The following SMAP2 variants were observed in gnomAD, a reference collection of about 807,000 sequenced individuals.
The protein encoded by SMAP2 is small ArfGAP2.
SMAP2 carries 25 observed loss-of-function variants against 56.4 expected under a neutral mutation model. The observed-to-expected ratio is 0.44, with a 90% CI of 0.32 to 0.62. The LOEUF is 0.62. Ranked by LOEUF, SMAP2 falls within the 20% of genes least tolerant of loss-of-function variation. SMAP2 has a pLI of 0.04. For synonymous variants in SMAP2, 157 were observed against 181.7 expected (o/e 0.86, Z 1.09); for missense variants, 388 against 545.6 (o/e 0.71, Z 2.88).
At position 40,374,671 on chromosome 1, in the gene SMAP2, G is replaced by A. The variant is rs1644525949; in HGVS notation, c.103+448G>A. On this transcript the variant is annotated intron_variant, in intron 1 of 9. Coordinates refer to ENST00000372718, the MANE Select transcript of SMAP2 (RefSeq NM_022733.3). The surrounding 1 kb of genome is among the most constrained non-coding windows in gnomAD (Gnocchi z 5.9). ...ACGAGGAGGAGGAGGAGGGAAGTGA[G>A]ATGGCGGAAAGGAAAACTGCTTAAA... 4.5e-6 allele frequency: 7 copies of A among 1,550,264 alleles called. No homozygotes were observed. The highest frequency in any genetic ancestry group is 6.1e-6 in the Non-Finnish European group (7 of 1,146,892).
chr1:40,361,811 A>G (rs568573608), intron 1 of SMAP2, among the ~76,000 whole-genome samples: 2 of 152,266 alleles, frequency 1.3e-5, no homozygotes, highest in Admixed American at 6.5e-5. Flanking sequence ...CTCAGCTGCT[A>G]TAGAATAGAG....
At chr1:40,363,969 T>C (rs2124180835) in intron 2 of SMAP2, among the ~76,000 whole-genome samples, 1 of 152,334 alleles carries the variant, frequency 6.6e-6, no homozygotes, top group East Asian at 1.9e-4. Context: ...CATTTGCATG[T>C]GACAAATAAC....
In SMAP2 at chr1:40,357,242, G is replaced by T. The variant is rs138669437; in HGVS notation, c.-82-5058G>T. Among the ~76,000 whole-genome samples the T allele has an allele frequency of 7.9e-5, 12 of 152,104 alleles. No homozygotes were observed. The East Asian group carries it at 2.3e-3, about 29-fold the overall frequency. On this transcript the variant is annotated intron_variant, in intron 1 of 6. Coordinates refer to the SMAP2 transcript ENST00000435168. ...CTTGAGAAATTTTGGATCACCTGAGGTCAGGAGTTCGAGACCAGCCTGGAC... is the reference window on the plus strand; with the variant it reads ...CTTGAGAAATTTTGGATCACCTGAGTTCAGGAGTTCGAGACCAGCCTGGAC...
intron 2 of SMAP2, among the ~76,000 whole-genome samples, chr1:40,366,361 G>C (rs1292956738): frequency 7.7e-6 from 1 of 129,794 alleles, no homozygotes; most frequent in African/African-American, 3.0e-5. Flanking sequence ...ACGCCACAAA[G>C]ATACTCCTCG....
chr1:40,404,116 A>G (rs1344376842), intron 1 of SMAP2, among the ~76,000 whole-genome samples: 1 of 152,182 alleles, frequency 6.6e-6, no homozygotes, highest in African/African-American at 2.4e-5. Context: ...ATAAAATGAA[A>G]TAAAAGTAAC....
intron 1 of SMAP2, among the ~76,000 whole-genome samples, chr1:40,347,022 C>CTATT (rs66542909): frequency 0.03 from 4,245 of 143,388 alleles, 122 homozygotes; most frequent in African/African-American, 0.072. Context: ...GCTTAAAAAT[C>CTATT]TATTTATTTA....
intron 1 of SMAP2, among the ~76,000 whole-genome samples, chr1:40,393,923 A>G (rs1644743625): frequency 6.6e-6 from 1 of 152,112 alleles, no homozygotes; most frequent in South Asian, 2.1e-4. Flanking sequence ...AATAATCTAA[A>G]TGGTCTCCAT....
intron 1 of SMAP2, chr1:40,393,238 ATTGC>A: frequency 7.7e-7 from 1 of 1,298,396 alleles, no homozygotes; most frequent in South Asian, 1.6e-5. Context: ...AGGTGGGAGG[ATTGC>A]TTGAGCATAG....
intron 2 of SMAP2, 139 bp downstream of exon 2, chr1:40,407,008 C>T: frequency 1.2e-6 from 1 of 836,768 alleles, no homozygotes. Context: ...GATTCTTGTA[C>T]CCTAACAGAA....
intron 2 of SMAP2, among the ~76,000 whole-genome samples, chr1:40,407,618 A>G (rs1336332411): frequency 6.6e-6 from 1 of 152,228 alleles, no homozygotes; most frequent in Admixed American, 6.5e-5. Flanking sequence ...TTAATGGTAC[A>G]TAATATTAAA....
At chr1:40,399,798 G>T (rs1263426978) in intron 1 of SMAP2, among the ~76,000 whole-genome samples, 1 of 152,014 alleles carries the variant, frequency 6.6e-6, no homozygotes, top group African/African-American at 2.4e-5. Context: ...ATCTTTTAGA[G>T]ATATATGCTG....
chr1:40,421,920 C>T, intron 9 of SMAP2, 56 bp from the exon 10 acceptor site: 1 of 1,609,494 alleles, frequency 6.2e-7, no homozygotes, highest in Admixed American at 1.7e-5. Context: ...CTGCCTTTTG[C>T]ACTAATTGGC....
intron 1 of SMAP2, among the ~76,000 whole-genome samples, chr1:40,354,658 G>C (rs1644425843): frequency 6.7e-6 from 1 of 149,602 alleles, no homozygotes; most frequent in African/African-American, 2.5e-5. Context: ...TATAAGGTTA[G>C]TTAATTTTTT....
chr1:40,367,575 A>G (rs1314007192), intron 2 of SMAP2, among the ~76,000 whole-genome samples: 1 of 19,338 alleles, frequency 5.2e-5, no homozygotes, highest in Non-Finnish European at 8.8e-5. Flanking sequence ...AACTACATGG[A>G]AACTGAACAA....
intron 1 of SMAP2, among the ~76,000 whole-genome samples, chr1:40,353,669 G>A (rs552956814): frequency 3.9e-5 from 6 of 152,164 alleles, no homozygotes; most frequent in African/African-American, 1.2e-4. Context: ...TGGCCCAGAA[G>A]GCTTCTTAAA....
chr1:40,355,062 C>T (rs1310090648), intron 1 of SMAP2, among the ~76,000 whole-genome samples: 1 of 151,916 alleles, frequency 6.6e-6, no homozygotes, highest in Non-Finnish European at 1.5e-5. Flanking sequence ...GCCAGCCTCA[C>T]CCTCCCAAAG....
intron 1 of SMAP2, among the ~76,000 whole-genome samples, chr1:40,354,584 G>A (rs1644425235): frequency 6.6e-6 from 1 of 151,800 alleles, no homozygotes; most frequent in Non-Finnish European, 1.5e-5. Flanking sequence ...GGATCTGCCT[G>A]CCTCGATCTC....
intron 1 of SMAP2, among the ~76,000 whole-genome samples, chr1:40,351,240 A>T (rs926853763): frequency 6.6e-6 from 1 of 152,136 alleles, no homozygotes; most frequent in Non-Finnish European, 1.5e-5. Flanking sequence ...AGGTTATTGG[A>T]GAGAGGAGGG....
chr1:40,360,088 G>A (rs1569822471), intron 1 of SMAP2, among the ~76,000 whole-genome samples: 1 of 130,304 alleles, frequency 7.7e-6, no homozygotes, highest in Non-Finnish European at 1.5e-5. Flanking sequence ...CTCACTGCAA[G>A]CTCCGCCTCC....
Sources: gnomAD v4.1 joint callset for allele counts (sites outside exome capture counted in the v4.1 genomes callset) on GRCh38, gnomAD v4.1.1 for gene constraint, Gnocchi (gnomAD v3.1) non-coding constraint, MANE v1.5 for transcripts, NCBI Gene and HGNC (gene_info 2026-07-23, HGNC 2026-07-21) for gene names.